Variants in MYO3A observed in about 807,000 individuals in gnomAD.
MYO3A encodes the protein myosin-IIIa.
A neutral mutation model predicts 192.7 loss-of-function variants in MYO3A; 180 were observed. The observed-to-expected ratio is 0.93, with a 90% CI of 0.83 to 1.06. MYO3A has a LOEUF of 1.06. MYO3A is among the 50% of genes least tolerant of loss of function. MYO3A has a pLI of 0.00. For synonymous variants in MYO3A, 628 were observed against 645.3 expected (o/e 0.97, Z 0.41); for missense variants, 1,896 against 1,905.0 (o/e 1.00, Z 0.09).
intron 10 of MYO3A, among the ~76,000 whole-genome samples, chr10:26,028,143 A>T (rs1842641863): frequency 6.6e-6 from 1 of 152,202 alleles, no homozygotes; most frequent in Admixed American, 6.5e-5. Context: ...GGACTTCATT[A>T]TGTTATCTCA....
intron 10 of MYO3A, among the ~76,000 whole-genome samples, chr10:26,031,005 T>C (rs1842779792): frequency 6.6e-6 from 1 of 152,212 alleles, no homozygotes; most frequent in Non-Finnish European, 1.5e-5. Context: ...AAATTGACAA[T>C]GTTAGAAGGC....
chr10:26,036,585 G>A (rs1843053443), intron 10 of MYO3A, among the ~76,000 whole-genome samples: 1 of 152,098 alleles, frequency 6.6e-6, no homozygotes. Context: ...TTTTTAGCCT[G>A]TTATTTTGTG....
chr10:26,088,187 A>G lies in MYO3A; in HGVS notation c.1360-16A>G. ...TTTTTTATGTTTTTAAAAATATCTT[A>G]ATATTTTCTATTTAGGCTAATAACA... On this transcript the variant is annotated splice_polypyrimidine_tract_variant and intron_variant, in intron 14 of 34. Coordinates refer to ENST00000642920, the MANE Select transcript of MYO3A (RefSeq NM_017433.5). The G allele has an allele frequency of 6.5e-7, 1 of 1,543,266 alleles. No homozygotes were observed. The highest frequency in any genetic ancestry group is 2.3e-4 in the Middle Eastern group (1 of 4,266).
chr10:26,045,821 C>A (rs1026146743), intron 10 of MYO3A, among the ~76,000 whole-genome samples: 1 of 152,076 alleles, frequency 6.6e-6, no homozygotes, highest in Non-Finnish European at 1.5e-5. Context: ...ATCATAAGAC[C>A]CACTCTTTAT....
chr10:26,201,779 A>C (rs543272209), intron 33 of MYO3A, among the ~76,000 whole-genome samples: 1 of 152,144 alleles, frequency 6.6e-6, no homozygotes. Context: ...TATGTGATTT[A>C]TATATAATTT....
intron 6 of MYO3A, among the ~76,000 whole-genome samples, chr10:26,010,144 T>A (rs564648503): frequency 5.2e-4 from 79 of 152,294 alleles, no homozygotes; most frequent in African/African-American, 1.9e-3. Flanking sequence ...CATATAATTA[T>A]CTTTATTATC....
chr10:26,100,367 A>G (rs752525800), intron 17 of MYO3A, among the ~76,000 whole-genome samples: 2 of 152,138 alleles, frequency 1.3e-5, no homozygotes, highest in Non-Finnish European at 2.9e-5. Context: ...TCCTGGATTC[A>G]TTGATTTTTT....
chr10:26,117,133 G>A (rs61840840), intron 17 of MYO3A, among the ~76,000 whole-genome samples: 3,718 of 152,208 alleles, frequency 0.024, 68 homozygotes, highest in Middle Eastern at 0.041. Context: ...TTTTCTGCAG[G>A]TTTGGGTAGG....
intron 4 of MYO3A, among the ~76,000 whole-genome samples, chr10:25,967,689 TA>T (rs1418683943): frequency 6.6e-6 from 1 of 152,160 alleles, no homozygotes; most frequent in Admixed American, 6.6e-5. Context: ...AAAATAGTTA[TA>T]AATATGTTCA....
At chr10:26,079,680 A>G (rs1835801147) in intron 14 of MYO3A, among the ~76,000 whole-genome samples, 1 of 151,984 alleles carries the variant, frequency 6.6e-6, no homozygotes, top group Non-Finnish European at 1.5e-5. Flanking sequence ...CAAGATTTAG[A>G]GCTCCTTTTA....
intron 31 of MYO3A, among the ~76,000 whole-genome samples, chr10:26,183,281 T>C (rs1011681089): frequency 2.0e-5 from 3 of 152,164 alleles, no homozygotes; most frequent in African/African-American, 7.2e-5. Context: ...TCCCAGCACT[T>C]TGGGAGGCCG....
intron 27 of MYO3A, among the ~76,000 whole-genome samples, chr10:26,167,220 G>A (rs1841803232): frequency 6.6e-6 from 1 of 152,116 alleles, no homozygotes; most frequent in Admixed American, 6.5e-5. Context: ...TAATATTTGT[G>A]TCTTGGGTGT....
At chr10:26,202,153 G>A (rs1031339563) in intron 33 of MYO3A, among the ~76,000 whole-genome samples, 15 of 152,150 alleles carry the variant, frequency 9.9e-5, no homozygotes, top group African/African-American at 3.4e-4. Context: ...CAATGTTCAT[G>A]TCAACCAATT....
intron 10 of MYO3A, among the ~76,000 whole-genome samples, chr10:26,053,156 T>C (rs868483500): frequency 1.3e-5 from 2 of 151,860 alleles, no homozygotes; most frequent in Admixed American, 6.6e-5. Flanking sequence ...AGGCAAATAT[T>C]AAAAGTATAA....
chr10:25,986,300 C>G lies in MYO3A; in HGVS notation c.304-10190C>G, dbSNP rs567529981. Among the ~76,000 whole-genome samples the G allele has an allele frequency of 3.3e-5, 5 of 152,286 alleles. No individual in the cohort carries two copies. In the South Asian group the frequency reaches 1.0e-3, roughly 32 times the overall value. On this transcript the variant is annotated intron_variant, in intron 4 of 34. Transcript: ENST00000642920. Reference sequence around the variant, plus strand: ...ATTCCCCCTGAGAACTGAAACAAGACAGGGATGCCCACTTTCACCACTTCT... The same window carrying G: ...ATTCCCCCTGAGAACTGAAACAAGAGAGGGATGCCCACTTTCACCACTTCT...
At position 25,954,912 on chromosome 10, in the gene MYO3A, A is replaced by G; in HGVS notation, c.207A>G (p.Leu69=). Reference sequence around the variant, plus strand: ...AGATTGAAGCAGAATATAACATCTTAAAAGCACTTTCTGACCACCCTAATG... The same window carrying G: ...AGATTGAAGCAGAATATAACATCTTGAAAGCACTTTCTGACCACCCTAATG... ...DEEIEAEYNI[L]KALSDHPNVV... The change falls in exon 4 of 35, where the codon TTA becomes TTG. Residue 69 remains leucine, a synonymous_variant. Transcript: ENST00000642920. 1 of 1,612,518 alleles carries G rather than the reference A, an allele frequency of 6.2e-7. No individual in the cohort carries two copies. Among genetic ancestry groups the G allele is most frequent in the South Asian group, 1.1e-5 (1 of 91,040 alleles).
intron 6 of MYO3A, 145 bp from the exon 7 acceptor site, chr10:26,016,675 T>C: frequency 1.3e-6 from 1 of 776,016 alleles, no homozygotes. Flanking sequence ...AATCCTGATT[T>C]AGGATCCTTT....
chr10:26,091,091 A>AGCCCAAGAAT (rs1836673528), intron 15 of MYO3A, among the ~76,000 whole-genome samples: 2 of 152,184 alleles, frequency 1.3e-5, no homozygotes, highest in African/African-American at 4.8e-5. Context: ...AGAGCAAGGG[A>AGCCCAAGAAT]GCCCAAGAAT....
At chr10:25,985,255 A>AAAAAAG (rs745441105) in intron 4 of MYO3A, among the ~76,000 whole-genome samples, 10 of 147,534 alleles carry the variant, frequency 6.8e-5, no homozygotes, top group African/African-American at 2.3e-4. Flanking sequence ...AAAAAAAAAA[A>AAAAAAG]AAATTCTGAA....
Sources: allele counts gnomAD v4.1 joint callset (sites outside exome capture counted in the v4.1 genomes callset), GRCh38; gene constraint gnomAD v4.1.1; transcripts MANE v1.5; gene names NCBI Gene and HGNC (gene_info 2026-07-23, HGNC 2026-07-21).